Variants in CDRT4 observed in about 807,000 individuals in gnomAD.
CDRT4 encodes CMT1A duplicated region transcript 4 protein.
For missense variants in CDRT4, 167 were observed against 193.1 expected, an observed-to-expected ratio of 0.87 and a Z score of 0.80; for synonymous variants, 64 against 69.6, an observed-to-expected ratio of 0.92 and a Z score of 0.40.
chr17:15,450,401 T>G lies in CDRT4; in HGVS notation c.-48+2603A>C. Among the ~76,000 whole-genome samples the G allele has an allele frequency of 6.6e-6, 1 of 152,094 alleles. No individual in the cohort carries two copies. The highest frequency in any genetic ancestry group is 6.6e-5 in the Admixed American group (1 of 15,264). ...CAAAGAACACCTCTCCACTTGCAGC[T>G]CAGGCCTCTCACCCTCCACCTTCCA... is the stretch of plus-strand genomic sequence containing the variant. On this transcript the variant is annotated intron_variant, in intron 2 of 3. Coordinates refer to ENST00000619038, the MANE Select transcript of CDRT4 (RefSeq NM_001204477.2). The surrounding 1 kb of genome is among the most constrained non-coding windows in gnomAD (Gnocchi z 4.2).
At chr17:15,451,349 C>T (rs865992866) in intron 2 of CDRT4, among the ~76,000 whole-genome samples, 1 of 152,168 alleles carries the variant, frequency 6.6e-6, no homozygotes, top group Non-Finnish European at 1.5e-5. Flanking sequence ...TACCCAGTCT[C>T]GGGTATTTCT....
intron 1 of CDRT4, among the ~76,000 whole-genome samples, chr17:15,460,897 A>G (rs1171236012): frequency 4.0e-5 from 6 of 151,048 alleles, no homozygotes; most frequent in Admixed American, 3.3e-4. Context: ...CCCACCGCCA[A>G]CCACCCTCCA....
At chr17:15,456,406 A>C (rs775923008) in intron 1 of CDRT4, among the ~76,000 whole-genome samples, 26 of 152,164 alleles carry the variant, frequency 1.7e-4, no homozygotes, top group Non-Finnish European at 3.4e-4. Context: ...TTGAAAACTA[A>C]GTAAAAATGT....
intron 1 of CDRT4, among the ~76,000 whole-genome samples, chr17:15,460,516 G>A (rs1332286015): frequency 1.3e-5 from 2 of 152,136 alleles, no homozygotes; most frequent in Non-Finnish European, 2.9e-5. Context: ...TCTTACAGAG[G>A]GTAAAATTGA....
intron 1 of CDRT4, among the ~76,000 whole-genome samples, chr17:15,456,026 G>GA (rs34825485): frequency 1.3e-5 from 2 of 152,144 alleles, no homozygotes; most frequent in Non-Finnish European, 2.9e-5. Flanking sequence ...ACCTATCAAG[G>GA]AAAAATCTCA....
intron 2 of CDRT4, among the ~76,000 whole-genome samples, chr17:15,448,608 G>A (rs1024865794): frequency 7.2e-5 from 11 of 152,318 alleles, no homozygotes; most frequent in East Asian, 3.9e-4. Flanking sequence ...ATCAGGAGAC[G>A]CGCTCTCTCT....
intron 1 of CDRT4, among the ~76,000 whole-genome samples, chr17:15,453,367 T>C (rs1049867582): frequency 6.6e-6 from 1 of 152,150 alleles, no homozygotes; most frequent in Non-Finnish European, 1.5e-5. Flanking sequence ...AGAAAATATG[T>C]GTGGGTAACA....
chr17:15,449,111 T>C (rs1361797215), intron 2 of CDRT4, among the ~76,000 whole-genome samples: 2 of 152,240 alleles, frequency 1.3e-5, no homozygotes, highest in African/African-American at 4.8e-5. Context: ...TCAATCCACC[T>C]GTGGGGCTCT....
intron 1 of CDRT4, among the ~76,000 whole-genome samples, chr17:15,458,249 G>A (rs553287030): frequency 2.0e-5 from 3 of 152,300 alleles, no homozygotes; most frequent in Admixed American, 2.0e-4. Context: ...TTACCCAGGG[G>A]TCTATAAGGA....
chr17:15,449,547 C>A (rs565622471), intron 2 of CDRT4, among the ~76,000 whole-genome samples: 1 of 152,148 alleles, frequency 6.6e-6, no homozygotes, highest in Non-Finnish European at 1.5e-5. Context: ...CCAAGCAACT[C>A]TTTCTTTTTT....
intron 2 of CDRT4, among the ~76,000 whole-genome samples, chr17:15,451,618 T>C (rs932037248): frequency 6.6e-5 from 10 of 152,140 alleles, no homozygotes; most frequent in African/African-American, 1.2e-4. Context: ...CCTCTCTTCT[T>C]TAAAAACATC....
At chr17:15,439,603 C>T (rs1251217344) in intron 3 of CDRT4, among the ~76,000 whole-genome samples, 1 of 152,174 alleles carries the variant, frequency 6.6e-6, no homozygotes, top group Non-Finnish European at 1.5e-5. Flanking sequence ...AACCCCGTTC[C>T]ATCTCCTGAA....
chr17:15,458,603 T>C (rs1159619358), intron 1 of CDRT4, among the ~76,000 whole-genome samples: 1 of 152,162 alleles, frequency 6.6e-6, no homozygotes, highest in Non-Finnish European at 1.5e-5. Context: ...TGACAGTCTG[T>C]CTCATCCTGG....
intron 1 of CDRT4, among the ~76,000 whole-genome samples, chr17:15,454,103 C>G (rs1979382008): frequency 6.6e-6 from 1 of 152,200 alleles, no homozygotes; most frequent in Non-Finnish European, 1.5e-5. Flanking sequence ...CGTTGAAGAT[C>G]AGGGAAGGGA....
At chr17:15,446,144 C>T (rs143057529) in intron 2 of CDRT4, among the ~76,000 whole-genome samples, 1 of 152,218 alleles carries the variant, frequency 6.6e-6, no homozygotes, top group African/African-American at 2.4e-5. Flanking sequence ...GATCTCCACC[C>T]GAATGGGCCG....
Position 15,437,599 on chromosome 17 carries a change from T to TA in CDRT4, c.*173dup. ...GAGGGGACACACTCACCCACCCACC[T>TA]ACAGCTTGCATTCTGATCTGGTTTC... On this transcript the variant is annotated 3_prime_UTR_variant, in exon 4 of 4. Transcript: ENST00000619038. 1.5e-6 allele frequency: 1 copy of TA among 677,186 alleles called. No homozygotes were observed. The highest frequency in any genetic ancestry group is 2.5e-6 in the Non-Finnish European group (1 of 406,512). The allele number at this position is 677,186 out of a possible 1,614,324, so 41.9% of individuals were successfully genotyped here.
chr17:15,443,739 C>G (rs1251185432), intron 2 of CDRT4: 1 of 477,530 alleles, frequency 2.1e-6, no homozygotes, highest in East Asian at 5.0e-5. Context: ...AGAGGGACTT[C>G]AATCACATCA....
At chr17:15,463,210 G>A (rs910675559) in intron 1 of CDRT4, among the ~76,000 whole-genome samples, 2 of 152,056 alleles carry the variant, frequency 1.3e-5, no homozygotes, top group African/African-American at 4.8e-5. Flanking sequence ...AAGTGGGTAG[G>A]GGAGGGCTAG....
intron 1 of CDRT4, among the ~76,000 whole-genome samples, chr17:15,454,463 CAT>C (rs1011644909): frequency 6.6e-6 from 1 of 152,212 alleles, no homozygotes; most frequent in African/African-American, 2.4e-5. Flanking sequence ...GCCACACACA[CAT>C]GCTTGCATGA....
Sources: gnomAD v4.1 joint callset for allele counts (sites outside exome capture counted in the v4.1 genomes callset) on GRCh38, gnomAD v4.1.1 for gene constraint, Gnocchi (gnomAD v3.1) non-coding constraint, MANE v1.5 for transcripts, NCBI Gene and HGNC (gene_info 2026-07-23, HGNC 2026-07-21) for gene names.